ARHGEF12: variants seen among roughly 807,000 people sequenced by gnomAD.
ARHGEF12 encodes the protein Rho guanine nucleotide exchange factor 12.
Under a neutral mutation model 211.2 loss-of-function variants are expected in ARHGEF12, and 66 were observed. The observed-to-expected ratio is 0.31, with a 90% CI of 0.26 to 0.38. ARHGEF12 has a LOEUF of 0.38. Among genes scored for constraint, ARHGEF12 ranks in the 10% least tolerant of loss-of-function variants. ARHGEF12 has a pLI of 1.00. For missense variants in ARHGEF12, 1,429 were observed against 1,869.5 expected (o/e 0.76, Z 4.34); for synonymous variants, 592 against 638.4 (o/e 0.93, Z 1.09).
At chr11:120,398,866 C>T (rs900118253) in intron 1 of ARHGEF12, among the ~76,000 whole-genome samples, 14 of 151,680 alleles carry the variant, frequency 9.2e-5, no homozygotes, top group East Asian at 1.9e-4. Flanking sequence ...ATTTTATATT[C>T]GTATAACCTC....
In ARHGEF12 at chr11:120,479,952, T is replaced by A; in HGVS notation, c.3767-8T>A. ...GTTTTTTTTCCCCCTCCTTCCTAAA[T>A]CGTTTAGTGGGTTTGTTGAAGCAGT... On this transcript the variant is annotated splice_polypyrimidine_tract_variant and splice_region_variant and intron_variant, in intron 37 of 40. Coordinates refer to ENST00000397843, the MANE Select transcript of ARHGEF12 (RefSeq NM_015313.3). The A allele has an allele frequency of 6.2e-7, 1 of 1,601,834 alleles. No individual in the cohort carries two copies. The highest frequency in any genetic ancestry group is 2.2e-5 in the East Asian group (1 of 44,632).
intron 7 of ARHGEF12, among the ~76,000 whole-genome samples, chr11:120,426,686 G>A (rs745367533): frequency 6.6e-6 from 1 of 152,288 alleles, no homozygotes; most frequent in Non-Finnish European, 1.5e-5. Context: ...TAACACTTGT[G>A]AGTATTATAC....
intron 1 of ARHGEF12, among the ~76,000 whole-genome samples, chr11:120,342,396 A>T (rs1161930297): frequency 2.0e-5 from 3 of 152,144 alleles, no homozygotes; most frequent in Non-Finnish European, 2.9e-5. Flanking sequence ...TGTTACTTGT[A>T]TGTACTTGCT....
At chr11:120,439,363 CAA>C (rs1259784105) in intron 12 of ARHGEF12, 18 of 152,052 alleles carry the variant, frequency 1.2e-4, no homozygotes, top group African/African-American at 3.9e-4. Flanking sequence ...ATTTTTCAAT[CAA>C]GAGTGATTAT....
chr11:120,448,909 T>G (rs1447306882), intron 20 of ARHGEF12, 200 bp from the exon 21 acceptor site: 3 of 444,112 alleles, frequency 6.8e-6, no homozygotes, highest in East Asian at 6.9e-5. Flanking sequence ...ATAAAGAGTT[T>G]GAAGAAAACA....
intron 1 of ARHGEF12, among the ~76,000 whole-genome samples, chr11:120,367,352 C>CTTTTTTTTTTTTT (rs1458579899): frequency 1.2e-5 from 1 of 82,058 alleles, no homozygotes; most frequent in Non-Finnish European, 2.2e-5. Flanking sequence ...GATACTTTTT[C>CTTTTTTTTTTTTT]CTTTTTTTTT....
chr11:120,371,508 T>C (rs1449627722), intron 1 of ARHGEF12, among the ~76,000 whole-genome samples: 1 of 152,132 alleles, frequency 6.6e-6, no homozygotes, highest in Admixed American at 6.5e-5. Context: ...AAACTGTCTT[T>C]AAAGAAGAAT....
intron 4 of ARHGEF12, chr11:120,410,399 T>C (rs1458322648): frequency 6.6e-6 from 1 of 151,982 alleles, no homozygotes; most frequent in Non-Finnish European, 1.5e-5. Flanking sequence ...AAATTATTTC[T>C]TTTTTTAGGA....
intron 1 of ARHGEF12, among the ~76,000 whole-genome samples, chr11:120,381,125 T>C (rs937690864): frequency 6.6e-6 from 1 of 152,226 alleles, no homozygotes; most frequent in African/African-American, 2.4e-5. Flanking sequence ...TGCTCATTGC[T>C]ATTGGAGTAT....
chr11:120,465,016 A>G, intron 27 of ARHGEF12: 1 of 557,392 alleles, frequency 1.8e-6, no homozygotes, highest in Non-Finnish European at 3.0e-6. Context: ...AAAAAAGAAA[A>G]AAAAAAGAAG....
chr11:120,456,799 G>A (rs1386292657), intron 22 of ARHGEF12, among the ~76,000 whole-genome samples: 1 of 152,174 alleles, frequency 6.6e-6, no homozygotes, highest in Non-Finnish European at 1.5e-5. Flanking sequence ...TTCAAGACTA[G>A]CCTGGGCAAA....
At chr11:120,475,089 G>A (rs537789804) in intron 32 of ARHGEF12, among the ~76,000 whole-genome samples, 9 of 152,208 alleles carry the variant, frequency 5.9e-5, no homozygotes, top group Admixed American at 1.3e-4. Context: ...CCTAGTAGCC[G>A]GGACTATAGG....
intron 1 of ARHGEF12, among the ~76,000 whole-genome samples, chr11:120,380,338 A>G (rs985418593): frequency 6.6e-6 from 1 of 152,222 alleles, no homozygotes; most frequent in Non-Finnish European, 1.5e-5. Flanking sequence ...ACTGTTAACT[A>G]AACTTCATAC....
chr11:120,382,692 C>T (rs1423113459), intron 1 of ARHGEF12, among the ~76,000 whole-genome samples: 2 of 152,190 alleles, frequency 1.3e-5, no homozygotes, highest in Non-Finnish European at 2.9e-5. Flanking sequence ...CTCTCTCTCT[C>T]TCATTGTGGT....
In ARHGEF12 at chr11:120,486,963, A is replaced by G. The variant is rs1363875579; in HGVS notation, c.*1886A>G. 1 of 212,834 alleles carries G rather than the reference A, an allele frequency of 4.7e-6. No homozygotes were observed. The highest frequency in any genetic ancestry group is 2.3e-5 in the African/African-American group (1 of 44,268). 13.2% of individuals were successfully genotyped at this position (212,834 alleles called of 1,614,324 possible). On this transcript the variant is annotated 3_prime_UTR_variant, in exon 41 of 41. Coordinates refer to ENST00000397843, the MANE Select transcript of ARHGEF12 (RefSeq NM_015313.3). ...GAAGCAGAAGCTAATATATAAATGA[A>G]GTTTGGGATTTGGAACTTTCTGTAT...
intron 7 of ARHGEF12, among the ~76,000 whole-genome samples, chr11:120,424,640 G>T (rs1472771307): frequency 6.6e-6 from 1 of 152,168 alleles, no homozygotes; most frequent in African/African-American, 2.4e-5. Flanking sequence ...CTGTGATCCT[G>T]GTTTAGCCCC....
rs1945830564 is a variant in ARHGEF12 at position 120,440,241 on chromosome 11, T to C, written c.1092+20T>C. 3 of 1,572,200 alleles carry C rather than the reference T, an allele frequency of 1.9e-6. No homozygotes were observed. Among genetic ancestry groups the C allele is most frequent in the Non-Finnish European group, 2.6e-6 (3 of 1,148,504 alleles). On this transcript the variant is annotated intron_variant, in intron 13 of 40. Transcript: ENST00000397843. ...GAACAGGTGATGACTTTTTTCTTTCTAAAAAATAGATTGTTACTTTCTGCA... is the reference window on the plus strand; with the variant it reads ...GAACAGGTGATGACTTTTTTCTTTCCAAAAAATAGATTGTTACTTTCTGCA...
rs1314159421 is a variant in ARHGEF12, at chr11:120,488,447, A to C, written c.*3370A>C. The C allele has an allele frequency of 2.8e-5, 6 of 216,708 alleles. No individual in the cohort carries two copies. Among genetic ancestry groups the C allele is most frequent in the Non-Finnish European group, 4.6e-5 (5 of 107,764 alleles). 13.4% of individuals were successfully genotyped at this position (216,708 alleles called of 1,614,324 possible). On this transcript the variant is annotated 3_prime_UTR_variant, in exon 41 of 41. Coordinates refer to ENST00000397843, the MANE Select transcript of ARHGEF12 (RefSeq NM_015313.3). ...CTTATATTACAATTTTTGTTTTATA[A>C]GTCATTTTTTTCCTGATATTTCCAC... is the stretch of plus-strand genomic sequence containing the variant.
intron 22 of ARHGEF12, among the ~76,000 whole-genome samples, chr11:120,455,685 A>G (rs1946340885): frequency 6.6e-6 from 1 of 152,238 alleles, no homozygotes; most frequent in Non-Finnish European, 1.5e-5. Flanking sequence ...CAATTCTAAA[A>G]TGATGGTTGT....
Sources: gnomAD v4.1 joint callset for allele counts (sites outside exome capture counted in the v4.1 genomes callset) on GRCh38, gnomAD v4.1.1 for gene constraint, MANE v1.5 for transcripts, NCBI Gene and HGNC (gene_info 2026-07-23, HGNC 2026-07-21) for gene names.